Variants in C10orf143 observed in about 807,000 individuals in gnomAD.
The protein encoded by C10orf143 is uncharacterized protein C10orf143.
At chr10:130,088,456 C>T (rs1324582658) in intron 1 of C10orf143, among the ~76,000 whole-genome samples, 2 of 152,156 alleles carry the variant, frequency 1.3e-5, no homozygotes, top group Non-Finnish European at 2.9e-5. Context: ...AATAAGTCCA[C>T]AAGAAAATAT....
intron 3 of C10orf143, among the ~76,000 whole-genome samples, chr10:130,037,362 T>C (rs542260023): frequency 6.6e-6 from 1 of 152,198 alleles, no homozygotes; most frequent in Non-Finnish European, 1.5e-5. Flanking sequence ...CCCACTTGCA[T>C]CCTAGAGGAA....
chr10:130,060,392 A>T (rs1449198612), downstream of C10orf143, among the ~76,000 whole-genome samples: 1 of 152,228 alleles, frequency 6.6e-6, no homozygotes. Flanking sequence ...CTAAGCACTC[A>T]TTATGAAGGA....
At chr10:130,055,965 A>AT in intron 3 of C10orf143, among the ~76,000 whole-genome samples, 1 of 149,356 alleles carries the variant, frequency 6.7e-6, no homozygotes, top group East Asian at 1.9e-4. Context: ...AAAAAAAAAA[A>AT]AAAAAAAAAA....
At chr10:130,099,169 A>C (rs1279690272) in intron 1 of C10orf143, among the ~76,000 whole-genome samples, 1 of 152,126 alleles carries the variant, frequency 6.6e-6, no homozygotes, top group African/African-American at 2.4e-5. Flanking sequence ...GTAACCAAAG[A>C]TGAATTATCA....
chr10:130,049,267 C>A (rs1004097465), intron 3 of C10orf143, among the ~76,000 whole-genome samples: 3 of 152,220 alleles, frequency 2.0e-5, no homozygotes, highest in Non-Finnish European at 2.9e-5. Context: ...AGACAGCAGG[C>A]ATCTTTGAGC....
At chr10:130,044,444 A>T (rs911608590) in intron 3 of C10orf143, among the ~76,000 whole-genome samples, 1 of 152,044 alleles carries the variant, frequency 6.6e-6, no homozygotes, top group Admixed American at 6.5e-5. Context: ...CCTTCCTTCC[A>T]CATCTACCTG....
chr10:130,107,154 A>C, intron 1 of C10orf143: 2 of 1,595,482 alleles, frequency 1.3e-6, no homozygotes, highest in African/African-American at 1.3e-5. Context: ...ACACATTTTG[A>C]AAGTGAGAAT....
chr10:130,077,768 T>C (rs774144717), intron 3 of C10orf143, among the ~76,000 whole-genome samples: 3 of 152,224 alleles, frequency 2.0e-5, no homozygotes, highest in Non-Finnish European at 4.4e-5. Flanking sequence ...CTTATTATTT[T>C]AAAAGCTTAG....
rs915963095 is a variant in C10orf143, at chr10:130,079,748, G to A, written c.223C>T (p.Leu75=). 2.8e-5 allele frequency: 11 copies of A among 398,512 alleles called. No individual in the cohort carries two copies. The highest frequency in any genetic ancestry group is 4.4e-5 in the Non-Finnish European group (10 of 226,084). 24.7% of individuals were successfully genotyped at this position (398,512 alleles called of 1,614,324 possible). Residue 75 remains leucine, a synonymous_variant, in exon 2 of 4, where the codon CTA becomes TTA. Transcript: ENST00000637128. ...GAAGAGGAACATACCCCTGTACTTA[G>A]CCTCCCCTGGCCACTCTCTGGCCTT... ...APRPESGQGR[L]STGISQNGGR... is the part of the protein sequence containing the mutation.
intron 1 of C10orf143, among the ~76,000 whole-genome samples, chr10:130,105,474 T>C (rs975389753): frequency 3.3e-5 from 5 of 152,158 alleles, no homozygotes; most frequent in African/African-American, 1.2e-4. Context: ...CTCACGCCTG[T>C]AATCCCAGCA....
intron 1 of C10orf143, among the ~76,000 whole-genome samples, chr10:130,101,536 C>T (rs1861550629): frequency 1.3e-5 from 2 of 152,018 alleles, no homozygotes; most frequent in South Asian, 2.1e-4. Flanking sequence ...TAGAATTCCA[C>T]ACACAGTGGA....
At position 130,108,098 on chromosome 10, in the gene C10orf143, A is replaced by G. The variant is rs544672961; in HGVS notation, c.69+2606T>C. The stretch of plus-strand genomic sequence containing the variant: ...ATCTCTCCCTGCTGAAAATGCAGCA[A>G]CTGGCCCTCGCTTTGTTCCTCCACC... On this transcript the variant is annotated intron_variant, in intron 1 of 3. Transcript: ENST00000637128. 218 of 1,520,610 alleles carry G rather than the reference A, an allele frequency of 1.4e-4. No individual in the cohort carries two copies. In the East Asian group the frequency reaches 3.6e-3, roughly 25 times the overall value. The allele number at this position is 1,520,610 out of a possible 1,614,324, so 94.2% of individuals were successfully genotyped here.
At chr10:130,050,245 G>A (rs974400448) in intron 3 of C10orf143, among the ~76,000 whole-genome samples, 6 of 152,374 alleles carry the variant, frequency 3.9e-5, no homozygotes, top group African/African-American at 1.2e-4. Context: ...GCAGAATTGC[G>A]GCTGTGGCTC....
intron 1 of C10orf143, among the ~76,000 whole-genome samples, chr10:130,108,839 T>C (rs1447270912): frequency 2.0e-5 from 3 of 152,138 alleles, no homozygotes; most frequent in African/African-American, 7.2e-5. Flanking sequence ...ATTAAAGAAA[T>C]TCAGATAATC....
intron 3 of C10orf143, among the ~76,000 whole-genome samples, chr10:130,074,833 C>T (rs983437554): frequency 6.6e-6 from 1 of 151,978 alleles, no homozygotes; most frequent in Non-Finnish European, 1.5e-5. Flanking sequence ...TCCTGGTGTC[C>T]CTACAAGGGA....
intron 3 of C10orf143, among the ~76,000 whole-genome samples, chr10:130,054,456 T>G (rs1007002238): frequency 3.9e-5 from 6 of 152,254 alleles, no homozygotes; most frequent in Non-Finnish European, 8.8e-5. Flanking sequence ...ACATCCAGGC[T>G]ATTGTGAATA....
intron 3 of C10orf143, among the ~76,000 whole-genome samples, chr10:130,050,975 C>T (rs1860730602): frequency 6.6e-6 from 1 of 152,170 alleles, no homozygotes; most frequent in East Asian, 1.9e-4. Flanking sequence ...GTGCAAAACA[C>T]GCCGGCCCGT....
intron 3 of C10orf143, among the ~76,000 whole-genome samples, chr10:130,057,472 G>C (rs1044461258): frequency 6.6e-6 from 1 of 152,168 alleles, no homozygotes; most frequent in African/African-American, 2.4e-5. Flanking sequence ...ACCAAGGCCA[G>C]GAAATCCTCA....
intron 1 of C10orf143, among the ~76,000 whole-genome samples, chr10:130,110,134 G>A (rs779287441): frequency 5.9e-5 from 9 of 151,968 alleles, no homozygotes; most frequent in Non-Finnish European, 8.8e-5. Flanking sequence ...ACTTACCCAC[G>A]CACCCTGGGA....
Sources: gnomAD v4.1 joint callset for allele counts (sites outside exome capture counted in the v4.1 genomes callset) on GRCh38, gnomAD v4.1.1 for gene constraint, MANE v1.5 for transcripts, NCBI Gene and HGNC (gene_info 2026-07-23, HGNC 2026-07-21) for gene names.